Variants in ARSG observed in about 807,000 individuals in gnomAD.
ARSG encodes the protein ASG.
ARSG carries 37 observed loss-of-function variants against 50.5 expected under a neutral mutation model. The observed-to-expected ratio is 0.73, with a 90% CI of 0.56 to 0.96. The LOEUF (loss-of-function observed/expected upper bound fraction) is 0.96. Among genes scored for constraint, ARSG ranks in the 50% least tolerant of loss-of-function variants. ARSG has a pLI of 0.00. For missense variants in ARSG, 629 were observed against 675.3 expected (o/e 0.93, Z 0.76); for synonymous variants, 225 against 254.6 (o/e 0.88, Z 1.11).
chr17:68,279,893 T>A (rs782353951), intron 1 of ARSG, among the ~76,000 whole-genome samples: 1 of 151,990 alleles, frequency 6.6e-6, no homozygotes, highest in Non-Finnish European at 1.5e-5. Flanking sequence ...GTTTAAGAAT[T>A]CTTTATGGCT....
chr17:68,351,474 G>A, intron 4 of ARSG, 101 bp from the exon 5 acceptor site: 1 of 705,234 alleles, frequency 1.4e-6, no homozygotes, highest in South Asian at 1.6e-5. Context: ...TAGCACTGCA[G>A]TATTAAATCA....
chr17:68,284,132 C>T (rs1215341499), intron 1 of ARSG, among the ~76,000 whole-genome samples: 5 of 139,048 alleles, frequency 3.6e-5, no homozygotes, highest in Non-Finnish European at 4.6e-5. Flanking sequence ...AAAAGCTGGG[C>T]GCAGTGGCTC....
At chr17:68,281,624 C>G (rs1223760097) in intron 1 of ARSG, among the ~76,000 whole-genome samples, 3 of 152,084 alleles carry the variant, frequency 2.0e-5, no homozygotes, top group Non-Finnish European at 2.9e-5. Flanking sequence ...GCAGACATTT[C>G]TCAAAAGACA....
intron 8 of ARSG, among the ~76,000 whole-genome samples, chr17:68,379,625 C>G (rs1182148732): frequency 6.6e-6 from 1 of 151,950 alleles, no homozygotes; most frequent in East Asian, 1.9e-4. Context: ...CTCCTCAGAA[C>G]AGGCACTCTA....
At chr17:68,319,686 C>T (rs2077204067) in intron 2 of ARSG, among the ~76,000 whole-genome samples, 1 of 152,188 alleles carries the variant, frequency 6.6e-6, no homozygotes, top group South Asian at 2.1e-4. Flanking sequence ...AAGAGGAGGA[C>T]GTGAGACAAC....
Position 68,370,542 on chromosome 17 carries a change from G to A in ARSG, c.982+18G>A, listed in dbSNP as rs1267309587. The A allele has an allele frequency of 5.6e-6, 9 of 1,612,040 alleles. No individual in the cohort carries two copies. Among genetic ancestry groups the A allele is most frequent in the African/African-American group, 2.7e-5 (2 of 74,836 alleles). On this transcript the variant is annotated intron_variant, in intron 8 of 11. Transcript: ENST00000621439. The stretch of plus-strand genomic sequence containing the variant: ...TCGTCAAGGTAAGGGGCTCAGCTGG[G>A]GTTGGTGGATCCCATTGCAATGCTG...
At chr17:68,450,979 G>A in the ARSG span, 14 of 1,511,408 alleles carry the variant, frequency 9.3e-6, no homozygotes, top group African/African-American at 7.0e-5. Flanking sequence ...TGGGCCCGGC[G>A]CAGGCCAGGT....
Position 68,356,669 on chromosome 17 carries a change from A to C in ARSG, c.569A>C (p.Asn190Thr). ...TATGGTCTGTGGTTTCCACACAGGA[A>C]CCTTCAAAGAGACTGTTACACTGAC... ...ACPQGDGPSR[N>T]LQRDCYTDVA... Residue 190 changes from asparagine (N) to threonine (T), a missense_variant and splice_region_variant, in exon 6 of 12, where the codon AAC becomes ACC. Transcript: ENST00000621439. The C allele has an allele frequency of 6.2e-7, 1 of 1,614,202 alleles. No individual in the cohort carries two copies. Among genetic ancestry groups the C allele is most frequent in the Non-Finnish European group, 8.5e-7 (1 of 1,180,022 alleles).
At chr17:68,317,252 TG>T (rs2077102465) in intron 2 of ARSG, among the ~76,000 whole-genome samples, 1 of 152,174 alleles carries the variant, frequency 6.6e-6, no homozygotes, top group Non-Finnish European at 1.5e-5. Flanking sequence ...ATAGGGATTA[TG>T]GCCTAAAATC....
chr17:68,413,029 T>G (rs984553767), intron 11 of ARSG, among the ~76,000 whole-genome samples: 1 of 151,232 alleles, frequency 6.6e-6, no homozygotes, highest in Non-Finnish European at 1.5e-5. Context: ...CTTCTAAATT[T>G]TTTTCAAAGT....
At chr17:68,423,849 A>G (rs2082967278), downstream of ARSG, among the ~76,000 whole-genome samples, 1 of 152,234 alleles carries the variant, frequency 6.6e-6, no homozygotes, top group Non-Finnish European at 1.5e-5. The surrounding 1 kb of genome is among the most constrained non-coding windows in gnomAD (Gnocchi z 4.4). Context: ...TTCTGTAACT[A>G]TAAGAGGTTG....
chr17:68,437,948 T>TAAAAAAAAA, the ARSG span, among the ~76,000 whole-genome samples: 48 of 78,794 alleles, frequency 6.1e-4, 1 homozygote, highest in African/African-American at 2.1e-3. Context: ...ACATCTCTCT[T>TAAAAAAAAA]AAAAAAAAAA....
intron 4 of ARSG, among the ~76,000 whole-genome samples, chr17:68,351,195 T>G (rs931403074): frequency 1.3e-5 from 2 of 152,120 alleles, no homozygotes; most frequent in African/African-American, 4.8e-5. Context: ...TTTTTTTCTC[T>G]GTGGTTGTGG....
At chr17:68,270,535 T>A (rs1216078911) in intron 1 of ARSG, among the ~76,000 whole-genome samples, 202 of 142,828 alleles carry the variant, frequency 1.4e-3, no homozygotes, top group Non-Finnish European at 2.6e-3. Context: ...GCCTGGGTGA[T>A]AGAGCGAGAC....
At chr17:68,376,459 T>A (rs2080156707) in intron 8 of ARSG, among the ~76,000 whole-genome samples, 1 of 151,842 alleles carries the variant, frequency 6.6e-6, no homozygotes, top group African/African-American at 2.4e-5. Context: ...CTTTACCTTT[T>A]AAAATTTTTT....
chr17:68,262,450 G>A (rs1204210487), intron 1 of ARSG, among the ~76,000 whole-genome samples: 2 of 151,102 alleles, frequency 1.3e-5, no homozygotes, highest in Admixed American at 6.7e-5. Flanking sequence ...CAACCTGGGC[G>A]ACAGAGCGAG....
At chr17:68,430,818 GA>G in the ARSG span, among the ~76,000 whole-genome samples, 36 of 152,320 alleles carry the variant, frequency 2.4e-4, no homozygotes, top group African/African-American at 8.4e-4. Flanking sequence ...GTGGCACATT[GA>G]GAACCAAGGT....
chr17:68,276,772 G>C (rs1267875421), intron 1 of ARSG, among the ~76,000 whole-genome samples: 1 of 152,042 alleles, frequency 6.6e-6, no homozygotes, highest in African/African-American at 2.4e-5. Context: ...TTTCTGAGGT[G>C]AGTTCAACAG....
chr17:68,304,674 G>T (rs2076540969), intron 1 of ARSG, among the ~76,000 whole-genome samples: 2 of 152,154 alleles, frequency 1.3e-5, no homozygotes, highest in Admixed American at 1.3e-4. Context: ...TTCAACTGAA[G>T]CTTTGTTGTT....
Sources: allele counts gnomAD v4.1 joint callset (sites outside exome capture counted in the v4.1 genomes callset), GRCh38; gene constraint gnomAD v4.1.1; non-coding constraint Gnocchi (gnomAD v3.1); transcripts MANE v1.5; gene names NCBI Gene and HGNC (gene_info 2026-07-23, HGNC 2026-07-21).